The following NT5C3A variants were observed in gnomAD, a reference collection of about 807,000 sequenced individuals.
The protein encoded by NT5C3A is 5'-nucleotidase, cytosolic IIIA, also known as cytosolic 5'-nucleotidase 3A.
In NT5C3A, 23 loss-of-function variants were observed where a neutral mutation model predicts 40.0. The ratio of observed to expected loss-of-function variants is 0.58; its 90% confidence interval spans 0.41 to 0.81. NT5C3A has a LOEUF of 0.81. Among genes scored for constraint, NT5C3A ranks in the 40% least tolerant of loss-of-function variants. NT5C3A has a pLI of 0.00. For missense variants in NT5C3A, 328 were observed against 403.0 expected, an observed-to-expected ratio of 0.81 and a Z score of 1.59; for synonymous variants, 130 against 141.4, an observed-to-expected ratio of 0.92 and a Z score of 0.57.
intron 1 of NT5C3A, among the ~76,000 whole-genome samples, chr7:33,049,887 G>A (rs987624507): frequency 2.0e-5 from 3 of 149,178 alleles, no homozygotes; most frequent in African/African-American, 7.5e-5. Context: ...AGAGAATGGC[G>A]TGAACCCGGG....
intron 1 of NT5C3A, chr7:33,038,759 A>T: frequency 2.3e-6 from 1 of 434,848 alleles, no homozygotes; most frequent in Non-Finnish European, 4.6e-6. Flanking sequence ...ATTAGGGCAG[A>T]GTATTTTTAA....
At chr7:33,035,977 T>A (rs776553277) in intron 1 of NT5C3A, 3 of 1,613,464 alleles carry the variant, frequency 1.9e-6, no homozygotes, top group Non-Finnish European at 1.7e-6. Flanking sequence ...CATTTCTTGG[T>A]TATCCAATCT....
intron 6 of NT5C3A, among the ~76,000 whole-genome samples, chr7:33,018,661 T>C (rs893279376): frequency 6.6e-6 from 1 of 151,868 alleles, no homozygotes; most frequent in African/African-American, 2.4e-5. Context: ...CCATCCTGGC[T>C]AACTCGGTGA....
At chr7:33,022,175 T>A in intron 3 of NT5C3A, 76 bp from the exon 4 acceptor site, 1 of 826,696 alleles carries the variant, frequency 1.2e-6, no homozygotes, top group South Asian at 1.4e-5. Context: ...TAATTTGCTA[T>A]AAAGTAATGG....
chr7:33,027,492 A>G (rs1786007266), intron 1 of NT5C3A, among the ~76,000 whole-genome samples: 1 of 152,244 alleles, frequency 6.6e-6, no homozygotes, highest in Non-Finnish European at 1.5e-5. Flanking sequence ...TCTTTTTCTA[A>G]GTATAAAAGC....
At chr7:33,029,683 G>C in intron 1 of NT5C3A, 1 of 1,289,806 alleles carries the variant, frequency 7.8e-7, no homozygotes, top group Non-Finnish European at 1.0e-6. Flanking sequence ...ATCACACCAA[G>C]ACCACTTCGA....
At chr7:33,039,406 A>G (rs1786787312) in intron 1 of NT5C3A, among the ~76,000 whole-genome samples, 1 of 152,120 alleles carries the variant, frequency 6.6e-6, no homozygotes, top group African/African-American at 2.4e-5. Flanking sequence ...TGATAAGGTA[A>G]TAAAATTGTG....
intron 1 of NT5C3A, among the ~76,000 whole-genome samples, chr7:33,061,623 A>G (rs1273479541): frequency 1.3e-5 from 2 of 152,232 alleles, no homozygotes; most frequent in African/African-American, 4.8e-5. Flanking sequence ...AACATATTGC[A>G]GGTGCTCAGA....
Position 33,014,283 on chromosome 7 carries a change from C to CGTTA in NT5C3A, c.*446_*447insTAAC. On this transcript the variant is annotated 3_prime_UTR_variant, in exon 9 of 9. Coordinates refer to ENST00000610140, the MANE Select transcript of NT5C3A (RefSeq NM_001002010.5). Reference sequence around the variant, plus strand: ...TTTTCCCCAGACAAAATAACCAAACCTAACACAATTTCAAGAGATGGTGAT... The same window carrying CGTTA: ...TTTTCCCCAGACAAAATAACCAAACCGTTATAACACAATTTCAAGAGATGGTGAT... The CGTTA allele has an allele frequency of 2.2e-6, 1 of 454,398 alleles. No homozygotes were observed. The highest frequency in any genetic ancestry group is 6.9e-4 in the Middle Eastern group (1 of 1,444). 28.1% of individuals were successfully genotyped at this position (454,398 alleles called of 1,614,324 possible).
chr7:33,018,684 A>G (rs1039507664), intron 6 of NT5C3A, among the ~76,000 whole-genome samples: 2 of 152,104 alleles, frequency 1.3e-5, no homozygotes, highest in African/African-American at 4.8e-5. Flanking sequence ...CCCCGTCTCT[A>G]CTAAAAATAC....
chr7:33,026,576 G>A lies in NT5C3A; in HGVS notation c.237+241C>T, dbSNP rs536041009. ...TCACCATGTTGGCCAGGCTGGTCTC[G>A]AACTCCTGACCTCAGCCTTGTCCAC... On this transcript the variant is annotated intron_variant, in intron 2 of 8. Transcript: ENST00000610140. Among the ~76,000 whole-genome samples, 474 of 151,454 alleles carry A rather than the reference G, an allele frequency of 3.1e-3. 2 individuals are homozygous for A. Among genetic ancestry groups the A allele is most frequent in the African/African-American group, 8.0e-3 (331 of 41,318 alleles).
At chr7:33,029,584 CA>C (rs1423799367) in intron 1 of NT5C3A, 9 of 1,100,736 alleles carry the variant, frequency 8.2e-6, no homozygotes, top group Admixed American at 2.3e-5. Flanking sequence ...ATTTTTTCAC[CA>C]AAAAAATTAA....
In NT5C3A at chr7:33,014,777, C is replaced by G. The variant is rs72555750; in HGVS notation, c.949G>C (p.Asp317His). 116 of 1,612,920 alleles carry G rather than the reference C, an allele frequency of 7.2e-5. No homozygotes were observed. The Admixed American group carries it at 7.7e-4, about 11-fold the overall frequency. ...MDSYDIVLVQ[D>H]ESLEVANSIL... is the part of the protein sequence containing the mutation. The stretch of plus-strand genomic sequence containing the variant: ...GAGTTGGCTACTTCTAATGATTCAT[C>G]TTGTACTAAAACAATATCATAAGAG... Residue 317 changes from aspartate to histidine, a missense_variant, in exon 9 of 9, where the codon GAT becomes CAT. Asp to His is a moderately conservative substitution (Grantham distance 81, BLOSUM62 -1). Transcript: ENST00000610140.
chr7:33,047,260 T>C (rs1197115907), intron 1 of NT5C3A, among the ~76,000 whole-genome samples: 1 of 152,202 alleles, frequency 6.6e-6, no homozygotes, highest in Non-Finnish European at 1.5e-5. Context: ...GTAATGCAAT[T>C]TAAGCTTTTA....
chr7:33,061,156 T>G (rs1289628958), intron 1 of NT5C3A, among the ~76,000 whole-genome samples: 1 of 152,120 alleles, frequency 6.6e-6, no homozygotes, highest in Non-Finnish European at 1.5e-5. Flanking sequence ...ATATGGCAAC[T>G]CGGTTTTTTC....
At chr7:33,047,643 T>A (rs1787208359) in intron 1 of NT5C3A, among the ~76,000 whole-genome samples, 1 of 152,112 alleles carries the variant, frequency 6.6e-6, no homozygotes, top group African/African-American at 2.4e-5. Context: ...CAGAATGACT[T>A]CATTTGGGTA....
intron 2 of NT5C3A, 124 bp from the exon 3 acceptor site, chr7:33,024,232 C>T (rs141748523): frequency 4.3e-4 from 296 of 692,536 alleles, no homozygotes; most frequent in Non-Finnish European, 7.2e-4. Flanking sequence ...AGTCTCTGGT[C>T]CACACTGTTA....
At chr7:33,036,262 G>A (rs1786598269) in intron 1 of NT5C3A, 2 of 434,116 alleles carry the variant, frequency 4.6e-6, no homozygotes, top group Non-Finnish European at 8.5e-6. Context: ...TGGAAACACC[G>A]GCGGCACATA....
rs900873691 is a variant in NT5C3A, at chr7:33,015,953, C to T, written c.694-83G>A. 9 of 888,446 alleles carry T rather than the reference C, an allele frequency of 1.0e-5. No homozygotes were observed. In the African/African-American group the frequency reaches 1.5e-4, roughly 15 times the overall value. The allele number at this position is 888,446 out of a possible 1,614,324, so 55.0% of individuals were successfully genotyped here. A position where few individuals can be genotyped will look rare whatever the true frequency, so the allele number is the denominator to read the frequency against. Reference sequence around the variant, plus strand: ...ATATTTTGGAGCTCTTAATTGATGTCACTATTATTTCATCATATTTGTAAA... The same window carrying T: ...ATATTTTGGAGCTCTTAATTGATGTTACTATTATTTCATCATATTTGTAAA... On this transcript the variant is annotated intron_variant, in intron 7 of 8. Coordinates refer to ENST00000610140, the MANE Select transcript of NT5C3A (RefSeq NM_001002010.5).
Sources: gnomAD v4.1 joint callset for allele counts (sites outside exome capture counted in the v4.1 genomes callset) on GRCh38, gnomAD v4.1.1 for gene constraint, MANE v1.5 for transcripts, NCBI Gene and HGNC (gene_info 2026-07-23, HGNC 2026-07-21) for gene names.